TCN1: variants seen among roughly 807,000 people sequenced by gnomAD.
TCN1 encodes the protein transcobalamin 1, also known as transcobalamin-1.
In TCN1, 47 loss-of-function variants were observed where a neutral mutation model predicts 46.3. The ratio of observed to expected loss-of-function variants is 1.01; its 90% CI spans 0.80 to 1.29. The LOEUF is 1.29. Ranked by LOEUF, TCN1 falls within the 50% of genes most tolerant of loss-of-function variation. TCN1 has a pLI of 0.00. For synonymous variants in TCN1, 183 were observed against 192.5 expected (o/e 0.95, Z 0.41); for missense variants, 532 against 511.0 (o/e 1.04, Z -0.40).
chr11:59,861,736 C>T, intron 3 of TCN1, 54 bp from the exon 4 acceptor site: 3 of 1,572,712 alleles, frequency 1.9e-6, no homozygotes, highest in Middle Eastern at 1.7e-4. Flanking sequence ...ATGGCGTATG[C>T]ATTTTCCATC....
At position 59,863,914 on chromosome 11, in the gene TCN1, T is replaced by A; in HGVS notation, c.252A>T (p.Lys84Asn). ...GAATATACAGCAACTTACATCTGCTTTTCACATTGTATTTGATTTGTTGGA... is the reference window on the plus strand; with the variant it reads ...GAATATACAGCAACTTACATCTGCTATTCACATTGTATTTGATTTGTTGGA... ...KMIQQIKYNV[K>N]SRLSDVSSGE... Residue 84 changes from lysine (K) to asparagine (N), a missense_variant, in exon 2 of 9, where the codon AAA becomes AAT. Transcript: ENST00000257264. The A allele has an allele frequency of 1.2e-6, 2 of 1,613,826 alleles. No individual in the cohort carries two copies. The highest frequency in any genetic ancestry group is 1.7e-6 in the Non-Finnish European group (2 of 1,179,752).
At chr11:59,854,244 A>G (rs901710990) in intron 7 of TCN1, among the ~76,000 whole-genome samples, 11 of 151,314 alleles carry the variant, frequency 7.3e-5, no homozygotes, top group Admixed American at 5.9e-4. Context: ...ATAAATAAAC[A>G]AATGCCAATT....
At chr11:59,857,441 A>G (rs1852956338) in intron 5 of TCN1, among the ~76,000 whole-genome samples, 1 of 152,234 alleles carries the variant, frequency 6.6e-6, no homozygotes, top group African/African-American at 2.4e-5. Flanking sequence ...ACAACAATAC[A>G]GATAACCTTA....
intron 4 of TCN1, 39 bp downstream of exon 4, chr11:59,861,488 A>T (rs1392783311): frequency 6.2e-7 from 1 of 1,608,400 alleles, no homozygotes; most frequent in Non-Finnish European, 8.5e-7. Context: ...ACTGGTGACC[A>T]TGTCCTCTGT....
rs1405928820 is a variant in TCN1 at position 59,854,828 on chromosome 11, G to T, written c.945C>A (p.Phe315Leu). The T allele has an allele frequency of 6.2e-7, 1 of 1,613,812 alleles. No homozygotes were observed. The highest frequency in any genetic ancestry group is 8.5e-7 in the Non-Finnish European group (1 of 1,179,862). ...TTATAGGCTCATCAGCGGAGATGTT[G>T]AAGTTACCTGGCAGAGACAGAAAAG... Reference protein sequence around the residue: ...DSSCVSASGNFNISADEPITV... With the variant: ...DSSCVSASGNLNISADEPITV... Residue 315 changes from phenylalanine (F) to leucine (L), a missense_variant, in exon 7 of 9, where the codon TTC becomes TTA. Transcript: ENST00000257264.
chr11:59,854,837 T>C lies in TCN1; in HGVS notation c.938-2A>G. The C allele has an allele frequency of 6.2e-7, 1 of 1,613,872 alleles. No homozygotes were observed. On this transcript the variant is annotated splice_acceptor_variant, in intron 6 of 8. Coordinates refer to ENST00000257264, the MANE Select transcript of TCN1 (RefSeq NM_001062.4). LOFTEE classifies it high-confidence loss of function. ...CATCAGCGGAGATGTTGAAGTTACC[T>C]GGCAGAGACAGAAAAGCCCAGAGCA... is the stretch of plus-strand genomic sequence containing the variant.
chr11:59,855,818 T>C lies in TCN1; in HGVS notation c.937+51A>G, dbSNP rs148815505. The C allele has an allele frequency of 1.3e-3, 2,032 of 1,598,592 alleles. 3 individuals carry two copies. Among genetic ancestry groups the C allele is most frequent in the Middle Eastern group, 2.5e-3 (15 of 6,034 alleles). On this transcript the variant is annotated intron_variant, in intron 6 of 8. Transcript: ENST00000257264. ...AAAGGACACCTGAATCTCACATGCTTTGGGTGCTATGGTGAAAAGCGAAAC... is the reference window on the plus strand; with the variant it reads ...AAAGGACACCTGAATCTCACATGCTCTGGGTGCTATGGTGAAAAGCGAAAC...
rs1852897934 is a variant in TCN1, at chr11:59,854,239, TAAAC to T, written c.1121+409_1121+412del. Among the ~76,000 whole-genome samples the T allele has an allele frequency of 5.3e-5, 8 of 150,880 alleles. No homozygotes were observed. In the South Asian group the frequency reaches 1.7e-3, roughly 31 times the overall value. On this transcript the variant is annotated intron_variant, in intron 7 of 8. Coordinates refer to ENST00000257264, the MANE Select transcript of TCN1 (RefSeq NM_001062.4). ...AGATGCTGTCTGTAAAATAAATAAATAAACAAATGCCAATTTTTGTGTGTATGTT... is the reference window on the plus strand; with the variant it reads ...AGATGCTGTCTGTAAAATAAATAAATAAATGCCAATTTTTGTGTGTATGTT...
rs79582740 is a variant in TCN1, at chr11:59,856,848, T to C, written c.748-790A>G. ...ATTTGATTGACAATGGGGAGTCTAA[T>C]TGTTCATTAAACAGAAACTCTCCTG... On this transcript the variant is annotated intron_variant, in intron 5 of 8. Transcript: ENST00000257264. 1.9e-4 allele frequency among the ~76,000 whole-genome samples: 29 copies of C among 151,624 alleles called. 1 individual carries two copies. In the East Asian group the frequency reaches 5.0e-3, roughly 26 times the overall value.
At chr11:59,855,032 C>T (rs1852915973) in intron 6 of TCN1, among the ~76,000 whole-genome samples, 197 bp from the exon 7 acceptor site, 1 of 152,190 alleles carries the variant, frequency 6.6e-6, no homozygotes, top group Non-Finnish European at 1.5e-5. Context: ...AACTCACCAG[C>T]TTGTGAATGT....
At chr11:59,864,604 G>A (rs1853052975) in intron 1 of TCN1, among the ~76,000 whole-genome samples, 1 of 152,008 alleles carries the variant, frequency 6.6e-6, no homozygotes, top group South Asian at 2.1e-4. Context: ...TTCATTGTCT[G>A]ATTACCCAGC....
intron 2 of TCN1, 89 bp from the exon 3 acceptor site, chr11:59,862,811 CT>C: frequency 6.9e-7 from 1 of 1,452,580 alleles, no homozygotes. Flanking sequence ...TTGCCTATCA[CT>C]TTTTTCTTCT....
At chr11:59,853,462 A>G (rs938079056) in intron 7 of TCN1, 141 bp from the exon 8 acceptor site, 19 of 816,396 alleles carry the variant, frequency 2.3e-5, no homozygotes, top group Admixed American at 4.0e-5. Context: ...ATCCATAGAT[A>G]TTTTTATTTT....
chr11:59,866,353 C>CT, intron 1 of TCN1, 39 bp downstream of exon 1: 1 of 1,593,556 alleles, frequency 6.3e-7, no homozygotes, highest in Non-Finnish European at 8.6e-7. Context: ...TTTCAGTAGA[C>CT]TATCACTCTA....
intron 4 of TCN1, among the ~76,000 whole-genome samples, chr11:59,861,283 G>C (rs1429500423): frequency 6.6e-6 from 1 of 152,136 alleles, no homozygotes; most frequent in East Asian, 1.9e-4. Flanking sequence ...AACATTCATT[G>C]TTTATATAAC....
intron 4 of TCN1, among the ~76,000 whole-genome samples, chr11:59,860,613 G>C (rs910832310): frequency 6.6e-6 from 1 of 152,108 alleles, no homozygotes; most frequent in Non-Finnish European, 1.5e-5. Context: ...GAAAACCTAA[G>C]AGGCTGAATC....
At chr11:59,859,531 G>A (rs893991733) in intron 4 of TCN1, among the ~76,000 whole-genome samples, 15 of 152,196 alleles carry the variant, frequency 9.9e-5, no homozygotes, top group Non-Finnish European at 1.8e-4. Flanking sequence ...ACTGTAGTGC[G>A]ATGGGTCTCC....
At chr11:59,863,134 T>A (rs963687562) in intron 2 of TCN1, among the ~76,000 whole-genome samples, 1 of 152,210 alleles carries the variant, frequency 6.6e-6, no homozygotes, top group African/African-American at 2.4e-5. Flanking sequence ...CCGTCATATA[T>A]ATTCATCATT....
In TCN1 at chr11:59,855,755, G is replaced by A. The variant is rs538974120; in HGVS notation, c.937+114C>T. The A allele has an allele frequency of 1.3e-4, 148 of 1,164,140 alleles. No individual in the cohort carries two copies. In the African/African-American group the frequency reaches 2.1e-3, roughly 16 times the overall value. 72.1% of individuals were successfully genotyped at this position (1,164,140 alleles called of 1,614,324 possible). A position where few individuals can be genotyped will look rare whatever the true frequency, so the allele number is the denominator to read the frequency against. The stretch of plus-strand genomic sequence containing the variant: ...GAAAACTGAATTCTCTCTGGCAACT[G>A]TTATGTTTTGGAGGTTTATCTGGTC... On this transcript the variant is annotated intron_variant, in intron 6 of 8. Coordinates refer to ENST00000257264, the MANE Select transcript of TCN1 (RefSeq NM_001062.4).
Sources: allele counts gnomAD v4.1 joint callset (sites outside exome capture counted in the v4.1 genomes callset), GRCh38; gene constraint gnomAD v4.1.1; transcripts MANE v1.5; gene names NCBI Gene and HGNC (gene_info 2026-07-23, HGNC 2026-07-21).